The following ISX variants were observed in gnomAD, a reference collection of about 807,000 sequenced individuals.
ISX encodes intestine specific homeobox, also known as intestine-specific homeobox.
A neutral mutation model predicts 16.9 loss-of-function variants in ISX; 15 were observed. That is an observed-to-expected ratio of 0.89 (90% confidence interval 0.59 to 1.36). ISX has a LOEUF of 1.36. ISX is among the 40% of genes most tolerant of loss of function. The pLI, the probability that ISX is intolerant of heterozygous loss-of-function variation, is 0.00. For missense variants in ISX, 316 were observed against 306.1 expected (o/e 1.03, Z -0.24); for synonymous variants, 125 against 119.7 (o/e 1.04, Z -0.29).
intron 2 of ISX, among the ~76,000 whole-genome samples, chr22:35,077,920 T>C (rs2146292211): frequency 6.6e-6 from 1 of 152,332 alleles, no homozygotes; most frequent in South Asian, 2.1e-4. Context: ...TTATTATAGA[T>C]TCTATTCTTA....
At chr22:35,075,744 C>T (rs1050933150) in intron 2 of ISX, among the ~76,000 whole-genome samples, 3 of 152,130 alleles carry the variant, frequency 2.0e-5, no homozygotes, top group African/African-American at 7.2e-5. Flanking sequence ...AAGATGCAAG[C>T]TTCACACTGC....
intron 2 of ISX, among the ~76,000 whole-genome samples, chr22:35,071,009 C>A (rs1017629068): frequency 3.3e-5 from 5 of 152,170 alleles, no homozygotes; most frequent in Non-Finnish European, 5.9e-5. Context: ...AGGGGTCAGG[C>A]CAGATTTGGC....
At chr22:35,078,385 C>A (rs747631705) in intron 2 of ISX, among the ~76,000 whole-genome samples, 12 of 152,212 alleles carry the variant, frequency 7.9e-5, no homozygotes, top group Non-Finnish European at 1.8e-4. Flanking sequence ...CCTGCCATTT[C>A]TCTCTACATC....
intron 2 of ISX, 130 bp downstream of exon 2, chr22:35,067,446 C>A (rs897605746): frequency 1.5e-6 from 1 of 667,488 alleles, no homozygotes; most frequent in South Asian, 2.0e-5. Flanking sequence ...AGACCTGGCT[C>A]TGGGCTGGTT....
chr22:35,067,381 A>C (rs1928732821), intron 2 of ISX, 65 bp downstream of exon 2: 1 of 1,153,188 alleles, frequency 8.7e-7, no homozygotes. Context: ...GCTCAGGCAG[A>C]GAAAAAGCTT....
chr22:35,077,401 G>A (rs996607797), intron 2 of ISX, among the ~76,000 whole-genome samples: 1 of 152,254 alleles, frequency 6.6e-6, no homozygotes, highest in South Asian at 2.1e-4. Flanking sequence ...GAAAGTTGAA[G>A]TGCTGACCTT....
chr22:35,085,403 G>C (rs370880178), intron 4 of ISX, 51 bp from the exon 5 acceptor site: 79 of 1,608,576 alleles, frequency 4.9e-5, no homozygotes, highest in Non-Finnish European at 6.7e-5. Context: ...CTGAGAAGCT[G>C]CAGAGACAGC....
In ISX at chr22:35,066,994, C is replaced by G. The variant is rs559730650; in HGVS notation, c.-94C>G. 9.5e-6 allele frequency: 8 copies of G among 840,192 alleles called. No homozygotes were observed. Among genetic ancestry groups the G allele is most frequent in the Non-Finnish European group, 1.5e-5 (8 of 526,740 alleles). The allele number at this position is 840,192 out of a possible 1,614,324, so 52.0% of individuals were successfully genotyped here. A position where few individuals can be genotyped will look rare whatever the true frequency, so the allele number is the denominator to read the frequency against. ...AGGCTCTCTGTTCTTCACCTCCACG[C>G]GCCCTCTTGACCCCAGGAGGTTCAG... is the stretch of plus-strand genomic sequence containing the variant. On this transcript the variant is annotated 5_prime_UTR_variant, in exon 2 of 5. Transcript: ENST00000404699.
intron 2 of ISX, among the ~76,000 whole-genome samples, chr22:35,078,684 TAACAAC>T (rs1929050553): frequency 6.6e-6 from 1 of 152,006 alleles, no homozygotes; most frequent in Non-Finnish European, 1.5e-5. Context: ...AAAAATGGAT[TAACAAC>T]AAAAATGAGG....
intron 2 of ISX, among the ~76,000 whole-genome samples, chr22:35,068,056 A>T (rs766293530): frequency 1.3e-5 from 2 of 152,172 alleles, no homozygotes; most frequent in Non-Finnish European, 2.9e-5. Flanking sequence ...TCTTAGCTCT[A>T]CCTTGGCCTG....
intron 2 of ISX, among the ~76,000 whole-genome samples, chr22:35,073,874 T>A (rs920610830): frequency 5.3e-5 from 8 of 152,258 alleles, no homozygotes; most frequent in African/African-American, 1.9e-4. Flanking sequence ...AGAACCATTT[T>A]CAAATTTTCG....
intron 2 of ISX, among the ~76,000 whole-genome samples, chr22:35,078,514 G>C (rs2413296): frequency 2.0e-5 from 3 of 151,936 alleles, no homozygotes; most frequent in Non-Finnish European, 2.9e-5. Context: ...GGGAGGGAAG[G>C]GGGTAGAGAA....
chr22:35,083,488 C>CT (rs1274570031), intron 3 of ISX, among the ~76,000 whole-genome samples: 4 of 152,364 alleles, frequency 2.6e-5, no homozygotes, highest in African/African-American at 9.6e-5. Flanking sequence ...CATTGTCACT[C>CT]ACTAGAGGTA....
At chr22:35,083,203 T>A (rs1929165071) in intron 3 of ISX, among the ~76,000 whole-genome samples, 1 of 152,246 alleles carries the variant, frequency 6.6e-6, no homozygotes, top group Non-Finnish European at 1.5e-5. Flanking sequence ...ACCCTTCTTT[T>A]TTTTTCTAGC....
intron 3 of ISX, among the ~76,000 whole-genome samples, chr22:35,083,310 A>G (rs1174197919): frequency 6.6e-6 from 1 of 152,222 alleles, no homozygotes; most frequent in Non-Finnish European, 1.5e-5. Flanking sequence ...TCAACCCCTG[A>G]TCTACAACAC....
chr22:35,067,014 G>A lies in ISX; in HGVS notation c.-74G>A. On this transcript the variant is annotated 5_prime_UTR_variant, in exon 2 of 5. Coordinates refer to ENST00000404699, the MANE Select transcript of ISX (RefSeq NM_001303508.2). ...CCACGCGCCCTCTTGACCCCAGGAG[G>A]TTCAGGGGAGGAAGTACGCCACTCT... 2.6e-6 allele frequency: 3 copies of A among 1,149,984 alleles called. No individual in the cohort carries two copies. The highest frequency in any genetic ancestry group is 1.4e-5 in the South Asian group (1 of 70,170). 71.2% of individuals were successfully genotyped at this position (1,149,984 alleles called of 1,614,324 possible).
At chr22:35,071,439 T>C (rs1246709142) in intron 2 of ISX, among the ~76,000 whole-genome samples, 1 of 152,230 alleles carries the variant, frequency 6.6e-6, no homozygotes, top group Non-Finnish European at 1.5e-5. Context: ...CATGCCTCTC[T>C]CGTAGTTTCT....
At chr22:35,075,614 T>G (rs1200061444) in intron 2 of ISX, among the ~76,000 whole-genome samples, 1 of 152,200 alleles carries the variant, frequency 6.6e-6, no homozygotes, top group Non-Finnish European at 1.5e-5. Context: ...CAAAAATTTT[T>G]TTAAATACGT....
rs780403861 is a variant in ISX, at chr22:35,067,171, C to T, written c.84C>T (p.Ser28=). The change falls in exon 2 of 5, where the codon AGC becomes AGT. Residue 28 remains serine (S), a synonymous_variant. Coordinates refer to ENST00000404699, the MANE Select transcript of ISX (RefSeq NM_001303508.2). The part of the protein sequence containing the change: ...LGCCEAPKKL[S]LSFSIEAILK... ...GCTGTGAGGCCCCGAAGAAGCTGAG[C>T]CTGTCCTTCTCCATTGAGGCGATCC... 6.2e-7 allele frequency: 1 copy of T among 1,613,360 alleles called. No homozygotes were observed. The highest frequency in any genetic ancestry group is 8.5e-7 in the Non-Finnish European group (1 of 1,179,544).
Sources: gnomAD v4.1 joint callset for allele counts (sites outside exome capture counted in the v4.1 genomes callset) on GRCh38, gnomAD v4.1.1 for gene constraint, MANE v1.5 for transcripts, NCBI Gene and HGNC (gene_info 2026-07-23, HGNC 2026-07-21) for gene names.